Variants in PDE1A observed in about 807,000 individuals in gnomAD.
PDE1A encodes the protein dual specificity calcium/calmodulin-dependent 3',5'-cyclic nucleotide phosphodiesterase 1A.
A neutral mutation model predicts 61.7 loss-of-function variants in PDE1A; 35 were observed. The observed-to-expected ratio is 0.57, with a 90% CI of 0.43 to 0.75. The LOEUF (loss-of-function observed/expected upper bound fraction) is 0.75. PDE1A is among the 30% of genes least tolerant of loss of function. The pLI is 0.00. For missense variants in PDE1A, 597 were observed against 630.6 expected (o/e 0.95, Z 0.57); for synonymous variants, 232 against 213.2 (o/e 1.09, Z -0.77).
At chr2:182,179,292 A>C (rs980392725) in intron 13 of PDE1A, among the ~76,000 whole-genome samples, 1 of 152,284 alleles carries the variant, frequency 6.6e-6, no homozygotes, top group African/African-American at 2.4e-5. Context: ...GTTTTCTGCA[A>C]GATCCAGAAA....
At chr2:182,681,921 C>T in the PDE1A span, among the ~76,000 whole-genome samples, 1 of 152,220 alleles carries the variant, frequency 6.6e-6, no homozygotes, top group Non-Finnish European at 1.5e-5. Context: ...GCTGGGATTA[C>T]AGGCGTGAGC....
chr2:182,392,445 T>A (rs1212097912), intron 1 of PDE1A, among the ~76,000 whole-genome samples: 3 of 152,196 alleles, frequency 2.0e-5, no homozygotes, highest in Admixed American at 6.5e-5. Context: ...CAAGATGAGA[T>A]GTTGGTGGGG....
the PDE1A span, among the ~76,000 whole-genome samples, chr2:182,708,910 T>C: frequency 6.6e-6 from 1 of 152,196 alleles, no homozygotes; most frequent in African/African-American, 2.4e-5. Context: ...CTAAAGTGCT[T>C]AAAATAGTAT....
At chr2:182,195,167 G>A (rs563823950) in intron 10 of PDE1A, among the ~76,000 whole-genome samples, 11 of 152,176 alleles carry the variant, frequency 7.2e-5, no homozygotes, top group Non-Finnish European at 1.2e-4. Context: ...GAAATTCAGC[G>A]TTAAGTAACT....
intron 1 of PDE1A, among the ~76,000 whole-genome samples, chr2:182,299,587 C>A (rs946296416): frequency 1.3e-5 from 2 of 151,236 alleles, no homozygotes; most frequent in Non-Finnish European, 2.9e-5. Flanking sequence ...TAGAACATGG[C>A]ACATGGCAGT....
chr2:182,552,141 C>T, the PDE1A span, among the ~76,000 whole-genome samples: 1 of 152,160 alleles, frequency 6.6e-6, no homozygotes, highest in South Asian at 2.1e-4. Flanking sequence ...ACATAATGAA[C>T]CCAAATATTC....
chr2:182,545,772 A>C, the PDE1A span, among the ~76,000 whole-genome samples: 1 of 152,306 alleles, frequency 6.6e-6, no homozygotes, highest in Non-Finnish European at 1.5e-5. Context: ...CAAATCTGTG[A>C]TCTTTTTTCC....
the PDE1A span, among the ~76,000 whole-genome samples, chr2:182,639,737 A>T: frequency 2.0e-5 from 3 of 151,870 alleles, no homozygotes; most frequent in African/African-American, 7.2e-5. Context: ...TTAGATACAG[A>T]AGATAAGCAA....
chr2:182,440,964 C>G (rs1396075228), intron 2 of PDE1A, among the ~76,000 whole-genome samples: 1 of 151,968 alleles, frequency 6.6e-6, no homozygotes, highest in Non-Finnish European at 1.5e-5. Flanking sequence ...TGTACTAGTC[C>G]ATTCTCATGC....
the PDE1A span, among the ~76,000 whole-genome samples, chr2:182,599,394 C>T: frequency 1.3e-5 from 2 of 152,172 alleles, no homozygotes; most frequent in African/African-American, 4.8e-5. Flanking sequence ...AAGACAGAAG[C>T]TACAATGCCT....
intron 13 of PDE1A, among the ~76,000 whole-genome samples, chr2:182,179,637 C>A (rs1034347704): frequency 3.3e-5 from 5 of 151,914 alleles, no homozygotes; most frequent in Non-Finnish European, 7.4e-5. Flanking sequence ...TTTTCTACCT[C>A]TCTCCTTCCT....
At chr2:182,295,771 G>GA (rs1694843238) in intron 1 of PDE1A, among the ~76,000 whole-genome samples, 1 of 151,554 alleles carries the variant, frequency 6.6e-6, no homozygotes, top group African/African-American at 2.4e-5. Flanking sequence ...TACTGAGAAA[G>GA]AAAAAAATGT....
intron 13 of PDE1A, among the ~76,000 whole-genome samples, chr2:182,181,821 G>T (rs896805673): frequency 6.6e-6 from 1 of 152,130 alleles, no homozygotes; most frequent in Non-Finnish European, 1.5e-5. Context: ...GCTTTGCTGT[G>T]TTGTGGTGAA....
chr2:182,494,171 G>T (rs1337788213), intron 2 of PDE1A, among the ~76,000 whole-genome samples: 1 of 151,978 alleles, frequency 6.6e-6, no homozygotes, highest in African/African-American at 2.4e-5. Flanking sequence ...AGGTTGAATG[G>T]TCTTTACTGG....
intron 1 of PDE1A, among the ~76,000 whole-genome samples, chr2:182,294,183 T>G (rs1694723386): frequency 6.6e-6 from 1 of 152,206 alleles, no homozygotes; most frequent in Admixed American, 6.5e-5. Context: ...GGAGAGCAGC[T>G]GACCACACTT....
the PDE1A span, among the ~76,000 whole-genome samples, chr2:182,543,873 C>T: frequency 2.6e-4 from 39 of 152,240 alleles, no homozygotes; most frequent in Non-Finnish European, 4.4e-5. Flanking sequence ...TTGAGCAGAG[C>T]ATTATGAAGC....
the PDE1A span, among the ~76,000 whole-genome samples, chr2:182,549,319 G>T: frequency 2.0e-5 from 3 of 151,856 alleles, no homozygotes; most frequent in African/African-American, 7.3e-5. Flanking sequence ...TTTAGATTTT[G>T]TCTCTTTCAA....
At chr2:182,295,788 T>G (rs1327629093) in intron 1 of PDE1A, among the ~76,000 whole-genome samples, 3 of 152,166 alleles carry the variant, frequency 2.0e-5, no homozygotes, top group African/African-American at 7.2e-5. Context: ...ATGTTTGATT[T>G]AACATTATTG....
At chr2:182,262,812 A>T (rs1301040686) in intron 2 of PDE1A, among the ~76,000 whole-genome samples, 1 of 152,208 alleles carries the variant, frequency 6.6e-6, no homozygotes, top group East Asian at 1.9e-4. Flanking sequence ...ACTACCTTCC[A>T]TGAAAGGATG....
Sources: allele counts gnomAD v4.1 joint callset (sites outside exome capture counted in the v4.1 genomes callset), GRCh38; gene constraint gnomAD v4.1.1; transcripts MANE v1.5; gene names NCBI Gene and HGNC (gene_info 2026-07-23, HGNC 2026-07-21).